Variants in DHRSX observed in about 807,000 individuals in gnomAD.
The protein encoded by DHRSX is polyprenol dehydrogenase.
In DHRSX, 31 loss-of-function variants were observed where a neutral mutation model predicts 34.0. The ratio of observed to expected loss-of-function variants is 0.91; its 90% CI spans 0.69 to 1.23. The LOEUF (loss-of-function observed/expected upper bound fraction) is 1.23, where lower values mean the gene tolerates loss of function less well. Ranked by LOEUF, DHRSX falls within the 50% of genes most tolerant of loss-of-function variation. The pLI, the probability that DHRSX is intolerant of heterozygous loss-of-function variation, is 0.00. For missense variants in DHRSX, 414 were observed against 428.1 expected, an observed-to-expected ratio of 0.97 and a Z score of 0.29; for synonymous variants, 201 against 183.8, an observed-to-expected ratio of 1.09 and a Z score of -0.76.
At chrX:2,417,465 C>A (rs1223076509) in intron 2 of DHRSX, among the ~76,000 whole-genome samples, 1 of 152,004 alleles carries the variant, frequency 6.6e-6, no homozygotes. Flanking sequence ...CCCAGCTGGA[C>A]CTTATCATGA....
intron 3 of DHRSX, among the ~76,000 whole-genome samples, chrX:2,401,727 G>A (rs1319327824): frequency 2.6e-5 from 4 of 152,042 alleles, no homozygotes; most frequent in Non-Finnish European, 5.9e-5. Context: ...GAGGAGTTTC[G>A]GTAAGTGAAT....
chrX:2,353,995 A>G (rs1378550723), intron 3 of DHRSX, among the ~76,000 whole-genome samples: 3 of 152,194 alleles, frequency 2.0e-5, no homozygotes, highest in East Asian at 3.9e-4. Flanking sequence ...ATCCCTTCAC[A>G]AGCCCCTTTC....
chrX:2,325,846 T>TA (rs369799919), intron 3 of DHRSX, among the ~76,000 whole-genome samples: 239 of 32,502 alleles, frequency 7.4e-3, no homozygotes, highest in African/African-American at 0.06. Flanking sequence ...AGAAAACCAT[T>TA]TCTCTTTCTC....
In DHRSX at chrX:2,245,291, C is replaced by G. The variant is rs546775559; in HGVS notation, c.597-2061G>C. ...AAGCCCCCTCCCTGCTTCCAGTTGTCCCTGCTTTTCAAGGACTATACTTCT... is the reference window on the plus strand; with the variant it reads ...AAGCCCCCTCCCTGCTTCCAGTTGTGCCTGCTTTTCAAGGACTATACTTCT... On this transcript the variant is annotated intron_variant, in intron 5 of 6. Coordinates refer to ENST00000334651, the MANE Select transcript of DHRSX (RefSeq NM_145177.3). Among the ~76,000 whole-genome samples, 57 of 152,108 alleles carry G rather than the reference C, an allele frequency of 3.7e-4. No homozygotes were observed. The Middle Eastern group carries it at 0.02, about 54-fold the overall frequency.
rs1307936626 is a variant in DHRSX, at chrX:2,277,474, C to T, written c.389-10527G>A. Among the ~76,000 whole-genome samples the T allele has an allele frequency of 9.5e-5, 5 of 52,882 alleles. No individual in the cohort carries two copies. The East Asian group carries it at 1.7e-3, about 18-fold the overall frequency. 34.7% of individuals were successfully genotyped at this position (52,882 alleles called of 152,430 possible). ...AGGGAACAGGGAGAGAGAGGGAGGG[C>T]AAACGAGAGAGGGAGAGAGAAGGAA... On this transcript the variant is annotated intron_variant, in intron 4 of 6. Transcript: ENST00000334651.
chrX:2,304,482 G>T (rs1364817701), intron 3 of DHRSX, among the ~76,000 whole-genome samples: 4 of 152,104 alleles, frequency 2.6e-5, no homozygotes, highest in Non-Finnish European at 5.9e-5. Flanking sequence ...GGGGAGATTG[G>T]GTCACGGGGG....
At chrX:2,251,469 T>C (rs1196165629) in intron 5 of DHRSX, among the ~76,000 whole-genome samples, 1 of 152,194 alleles carries the variant, frequency 6.6e-6, no homozygotes, top group Non-Finnish European at 1.5e-5. Context: ...TTTGTTCTCC[T>C]CTGCCTTTGC....
At chrX:2,332,265 G>C (rs1456847004) in intron 3 of DHRSX, among the ~76,000 whole-genome samples, 1 of 152,178 alleles carries the variant, frequency 6.6e-6, no homozygotes, top group Non-Finnish European at 1.5e-5. Flanking sequence ...GACTGAATGG[G>C]TCCTGTGAAG....
intron 3 of DHRSX, among the ~76,000 whole-genome samples, chrX:2,348,757 G>A (rs749862915): frequency 1.8e-4 from 27 of 151,394 alleles, no homozygotes; most frequent in Admixed American, 1.6e-3. Context: ...GCAGTGGCAC[G>A]ATCTCGGCTC....
chrX:2,333,118 T>C (rs148357506), intron 3 of DHRSX, among the ~76,000 whole-genome samples: 1 of 152,176 alleles, frequency 6.6e-6, no homozygotes, highest in Non-Finnish European at 1.5e-5. Context: ...AAGCTTCCCA[T>C]TGGTGTCAAT....
chrX:2,396,220 G>C (rs2043407405), intron 3 of DHRSX, among the ~76,000 whole-genome samples: 1 of 152,012 alleles, frequency 6.6e-6, no homozygotes, highest in African/African-American at 2.4e-5. Context: ...AATCCAGAAT[G>C]ATCTCATCTT....
rs779019509 is a variant in DHRSX, at chrX:2,360,443, T to C, written c.286+48302A>G. 4.3e-3 allele frequency among the ~76,000 whole-genome samples: 649 copies of C among 151,890 alleles called. 5 individuals carry two copies. Among genetic ancestry groups the C allele is most frequent in the African/African-American group, 0.015 (605 of 41,452 alleles). ...ACTAAAAATACAAAAATGAGCCAGG[T>C]GTGGTGGTGCGTGCCTGTAATCCCA... On this transcript the variant is annotated intron_variant, in intron 3 of 6. Coordinates refer to ENST00000334651, the MANE Select transcript of DHRSX (RefSeq NM_145177.3).
At chrX:2,327,112 C>T (rs901051721) in intron 3 of DHRSX, among the ~76,000 whole-genome samples, 73 of 152,314 alleles carry the variant, frequency 4.8e-4, no homozygotes, top group Non-Finnish European at 5.4e-4. Context: ...CGTGCCCGAC[C>T]AGATTTCAGT....
chrX:2,341,234 G>A (rs151122468), intron 3 of DHRSX, among the ~76,000 whole-genome samples: 1,804 of 152,172 alleles, frequency 0.012, 41 homozygotes, highest in African/African-American at 0.041. Context: ...CCAGACTCAT[G>A]TTCTCCAGAG....
chrX:2,244,146 C>G (rs1159011812), intron 5 of DHRSX, among the ~76,000 whole-genome samples: 2 of 152,118 alleles, frequency 1.3e-5, no homozygotes, highest in Admixed American at 6.6e-5. Flanking sequence ...CCCAAGCTAT[C>G]ATAAATTTTC....
intron 6 of DHRSX, among the ~76,000 whole-genome samples, chrX:2,225,408 ACATTCACATACT>A (rs1402392105): frequency 6.6e-6 from 1 of 152,224 alleles, no homozygotes; most frequent in African/African-American, 2.4e-5. Flanking sequence ...ATCCACGTGT[ACATTCACATACT>A]CATTCACATG....
At chrX:2,303,245 G>A (rs1226727011) in intron 3 of DHRSX, among the ~76,000 whole-genome samples, 2 of 152,130 alleles carry the variant, frequency 1.3e-5, no homozygotes, top group African/African-American at 4.8e-5. Flanking sequence ...CTTGCGAGGT[G>A]GTGATATAGT....
rs199520137 is a variant in DHRSX at position 2,322,687 on chromosome X, A to AC, written c.287-31085_287-31084insG. 5.3e-3 allele frequency among the ~76,000 whole-genome samples: 784 copies of AC among 147,494 alleles called. 6 individuals are homozygous for AC. The highest frequency in any genetic ancestry group is 0.018 in the African/African-American group (733 of 39,938). ...GTGCGCCACCACGCCCGGCTAAAAA[A>AC]AAACAAACAGCATTTTCTTTTCTCT... On this transcript the variant is annotated intron_variant, in intron 3 of 6. Coordinates refer to ENST00000334651, the MANE Select transcript of DHRSX (RefSeq NM_145177.3).
intron 6 of DHRSX, among the ~76,000 whole-genome samples, chrX:2,224,052 C>T (rs1158734425): frequency 2.0e-5 from 3 of 152,230 alleles, no homozygotes; most frequent in African/African-American, 7.2e-5. Flanking sequence ...GAGATGTTCA[C>T]CCACACTGTG....
Sources: allele counts gnomAD v4.1 joint callset (sites outside exome capture counted in the v4.1 genomes callset), GRCh38; gene constraint gnomAD v4.1.1; transcripts MANE v1.5; gene names NCBI Gene and HGNC (gene_info 2026-07-23, HGNC 2026-07-21).